Variants in RGS7 observed in about 807,000 individuals in gnomAD.
The protein encoded by RGS7 is regulator of G-protein signaling 7.
A neutral mutation model predicts 81.1 loss-of-function variants in RGS7; 27 were observed. That is an observed-to-expected ratio of 0.33 (90% CI 0.25 to 0.46). The LOEUF is 0.46. Among genes scored for constraint, RGS7 ranks in the 20% least tolerant of loss-of-function variants. RGS7 has a pLI of 1.00. For synonymous variants in RGS7, 208 were observed against 207.7 expected, an observed-to-expected ratio of 1.00 and a Z score of -0.01; for missense variants, 396 against 607.4, an observed-to-expected ratio of 0.65 and a Z score of 3.66.
intron 2 of RGS7, among the ~76,000 whole-genome samples, chr1:241,301,893 T>C (rs146668328): frequency 6.6e-6 from 1 of 152,332 alleles, no homozygotes; most frequent in African/African-American, 2.4e-5. Context: ...ATACTTTAAA[T>C]GTAGTAGTTA....
chr1:240,797,604 G>A (rs889462257), intron 18 of RGS7, among the ~76,000 whole-genome samples: 9 of 152,000 alleles, frequency 5.9e-5, no homozygotes, highest in African/African-American at 1.2e-4. Context: ...CACCCGCCTC[G>A]GCCTCTCAAA....
chr1:240,929,525 C>G (rs1329602237), intron 6 of RGS7, among the ~76,000 whole-genome samples: 1 of 152,080 alleles, frequency 6.6e-6, no homozygotes, highest in African/African-American at 2.4e-5. Flanking sequence ...TGACTAGAGC[C>G]TGACCATTCT....
chr1:241,320,424 C>T (rs2081142012), intron 2 of RGS7, among the ~76,000 whole-genome samples: 1 of 152,180 alleles, frequency 6.6e-6, no homozygotes, highest in African/African-American at 2.4e-5. Context: ...AAGCACAGTG[C>T]CTTCTGAATA....
intron 3 of RGS7, among the ~76,000 whole-genome samples, chr1:241,024,736 TG>T (rs2059705525): frequency 6.6e-6 from 1 of 152,198 alleles, no homozygotes; most frequent in Admixed American, 6.5e-5. Context: ...TGTATATTGA[TG>T]CTCAAAAAGA....
chr1:241,204,039 C>T (rs2073708043), intron 2 of RGS7, among the ~76,000 whole-genome samples: 1 of 152,116 alleles, frequency 6.6e-6, no homozygotes, highest in African/African-American at 2.4e-5. Flanking sequence ...CAACTAAATG[C>T]CAAATATTAC....
intron 3 of RGS7, among the ~76,000 whole-genome samples, chr1:241,049,260 C>G (rs2061121392): frequency 1.3e-5 from 2 of 152,148 alleles, no homozygotes; most frequent in Non-Finnish European, 2.9e-5. Flanking sequence ...TAGTGCAAAC[C>G]TGGTTTTGGT....
At position 241,174,903 on chromosome 1, in the gene RGS7, T is replaced by G. The variant is rs960187588; in HGVS notation, c.79-76141A>C. ...CCAATTCACAGAATTTTGTTTTTTT[T>G]TTTTTTTTTTTTTTTTTGAGACGGA... On this transcript the variant is annotated intron_variant, in intron 2 of 18. Transcript: ENST00000440928. Among the ~76,000 whole-genome samples, 688 of 137,086 alleles carry G rather than the reference T, an allele frequency of 5.0e-3. 3 individuals are homozygous for G. The highest frequency in any genetic ancestry group is 0.011 in the Middle Eastern group (3 of 272). The allele number at this position is 137,086 out of a possible 152,430, so 89.9% of individuals were successfully genotyped here.
chr1:240,942,592 G>A (rs183385447), intron 4 of RGS7, among the ~76,000 whole-genome samples: 6 of 152,106 alleles, frequency 3.9e-5, no homozygotes, highest in African/African-American at 1.2e-4. Context: ...AGTGTGTGGG[G>A]AGAAATATTT....
chr1:240,950,787 A>C (rs1679419963), intron 4 of RGS7, among the ~76,000 whole-genome samples: 1 of 152,202 alleles, frequency 6.6e-6, no homozygotes, highest in Non-Finnish European at 1.5e-5. Flanking sequence ...AAAGCACTAG[A>C]GGAATTTGAA....
chr1:241,081,868 C>A (rs1319100982), intron 3 of RGS7, among the ~76,000 whole-genome samples: 2 of 152,120 alleles, frequency 1.3e-5, no homozygotes, highest in Non-Finnish European at 2.9e-5. Flanking sequence ...CTGCTTTTGG[C>A]CACACAGCAA....
intron 3 of RGS7, among the ~76,000 whole-genome samples, chr1:241,006,072 T>C (rs80062605): frequency 0.021 from 3,210 of 152,240 alleles, 125 homozygotes; most frequent in African/African-American, 0.072. Flanking sequence ...CCTCTGCCTT[T>C]GGTAGACATA....
chr1:240,967,177 G>A (rs1682446438), intron 4 of RGS7, among the ~76,000 whole-genome samples: 1 of 152,166 alleles, frequency 6.6e-6, no homozygotes, highest in African/African-American at 2.4e-5. Context: ...AGGTCAATCT[G>A]ACAGTCGGAT....
chr1:240,810,600 CCA>C (rs1689678848), intron 14 of RGS7, among the ~76,000 whole-genome samples: 1 of 151,996 alleles, frequency 6.6e-6, no homozygotes, highest in South Asian at 2.1e-4. Flanking sequence ...GCATGTGCCA[CCA>C]TGCCCGGTTA....
chr1:241,234,734 G>C (rs1043647602), intron 2 of RGS7, among the ~76,000 whole-genome samples: 11 of 152,052 alleles, frequency 7.2e-5, no homozygotes, highest in African/African-American at 2.7e-4. Flanking sequence ...ACTGTTGCCA[G>C]ACTTAGTCGA....
intron 2 of RGS7, among the ~76,000 whole-genome samples, chr1:241,336,686 A>G (rs2082265280): frequency 6.6e-6 from 1 of 152,220 alleles, no homozygotes; most frequent in African/African-American, 2.4e-5. Flanking sequence ...TAACCCTGTA[A>G]TCTTCAAGGT....
At chr1:241,322,332 G>A (rs2081260162) in intron 2 of RGS7, among the ~76,000 whole-genome samples, 1 of 152,104 alleles carries the variant, frequency 6.6e-6, no homozygotes, top group Admixed American at 6.6e-5. Flanking sequence ...GGCATCTCAG[G>A]ATTATTTCAT....
intron 2 of RGS7, among the ~76,000 whole-genome samples, chr1:241,125,525 T>A (rs555586963): frequency 1.3e-5 from 2 of 152,178 alleles, no homozygotes; most frequent in East Asian, 3.9e-4. Flanking sequence ...CAGAACAGCA[T>A]CCCTCCCACT....
intron 10 of RGS7, among the ~76,000 whole-genome samples, chr1:240,821,159 A>G (rs1691717315): frequency 6.6e-6 from 1 of 152,260 alleles, no homozygotes; most frequent in South Asian, 2.1e-4. Context: ...TGAATCAGAA[A>G]AGTCCCCTCT....
At chr1:240,970,123 C>T (rs1283468472) in intron 4 of RGS7, among the ~76,000 whole-genome samples, 2 of 152,192 alleles carry the variant, frequency 1.3e-5, no homozygotes, top group African/African-American at 2.4e-5. Flanking sequence ...AGCATGGTAC[C>T]TGGGGAGACC....
Sources: gnomAD v4.1 joint callset for allele counts (sites outside exome capture counted in the v4.1 genomes callset) on GRCh38, gnomAD v4.1.1 for gene constraint, MANE v1.5 for transcripts, NCBI Gene and HGNC (gene_info 2026-07-23, HGNC 2026-07-21) for gene names.